CEP152: variants seen among roughly 807,000 people sequenced by gnomAD.
The protein encoded by CEP152 is centrosomal protein of 152 kDa.
A neutral mutation model predicts 188.9 loss-of-function variants in CEP152; 132 were observed. That is an observed-to-expected ratio of 0.70 (90% confidence interval 0.61 to 0.81). The LOEUF is 0.81. Ranked by LOEUF, CEP152 falls within the 30% of genes least tolerant of loss-of-function variation. The pLI, the probability that CEP152 is intolerant of heterozygous loss-of-function variation, is 0.00. For synonymous variants in CEP152, 649 were observed against 666.6 expected (o/e 0.97, Z 0.41); for missense variants, 1,914 against 1,969.8 (o/e 0.97, Z 0.54).
At chr15:48,761,854 T>A (rs1566992279) in intron 18 of CEP152, among the ~76,000 whole-genome samples, 1 of 152,174 alleles carries the variant, frequency 6.6e-6, no homozygotes, top group African/African-American at 2.4e-5. Context: ...ATCAAGTAAC[T>A]GTGTCAGTTA....
Position 48,781,300 on chromosome 15 carries a change from T to G in CEP152, c.1473A>C (p.Gly491=). 6.2e-7 allele frequency: 1 copy of G among 1,612,700 alleles called. No homozygotes were observed. Among genetic ancestry groups the G allele is most frequent in the Non-Finnish European group, 8.5e-7 (1 of 1,178,926 alleles). The stretch of plus-strand genomic sequence containing the variant: ...CTCCTTCTGAGTCACTTGGATGTAT[T>G]CCTAGTTTTGCAGCAGATTCATAGA... ...ISLYESAAKL[G]IHPSDSEGEL... is the part of the protein sequence containing the mutation. The change falls in exon 12 of 27, where the codon GGA becomes GGC. Residue 491 remains glycine (G), a synonymous_variant. Transcript: ENST00000380950.
chr15:48,742,025 C>T lies in CEP152; in HGVS notation c.3911G>A (p.Arg1304His), dbSNP rs886051260. The T allele has an allele frequency of 5.0e-6, 8 of 1,614,132 alleles. No homozygotes were observed. The highest frequency in any genetic ancestry group is 1.1e-5 in the South Asian group (1 of 91,076). ...GCGCATCTTTCGGGCGGTTTCTTGA[C>T]GTTCTCGCAGTACCTCTGCTTTTAC... ...EMVKAEVLRE[R>H]QETARKMRKY... The change falls in exon 25 of 27, where the codon CGT becomes CAT. Residue 1304 changes from arginine (R) to histidine (H), a missense_variant. Transcript: ENST00000380950.
At chr15:48,781,079 C>G (rs1413047641) in intron 12 of CEP152, 117 bp downstream of exon 12, 22 of 886,594 alleles carry the variant, frequency 2.5e-5, no homozygotes, top group Non-Finnish European at 3.7e-5. Flanking sequence ...TATCTGCATT[C>G]AATACACAGT....
chr15:48,791,790 T>C (rs1897002280), intron 7 of CEP152, among the ~76,000 whole-genome samples: 1 of 151,856 alleles, frequency 6.6e-6, no homozygotes, highest in Non-Finnish European at 1.5e-5. Context: ...GTGCTGGGAT[T>C]ACAGGCGTGA....
chr15:48,757,422 G>T (rs1340856650), intron 19 of CEP152, among the ~76,000 whole-genome samples: 1 of 152,190 alleles, frequency 6.6e-6, no homozygotes, highest in Non-Finnish European at 1.5e-5. Context: ...AGATGATAAG[G>T]ACTCAATAAA....
In CEP152 at chr15:48,739,243, T is replaced by G. The variant is rs1317380169; in HGVS notation, c.4139A>C (p.Lys1380Thr). ...TATTTTCTGATTCACATCATTTCTT[T>G]TTGATTTTTTAACTGCAATCAGCAT... is the stretch of plus-strand genomic sequence containing the variant. ...SEMLIAVKKS[K>T]RNDVNQKIPC... Residue 1380 changes from lysine to threonine, a missense_variant, in exon 27 of 27, where the codon AAA (lysine) becomes ACA (threonine). By Grantham distance (78) the Lys-to-Thr change is moderately conservative (BLOSUM62 -1). Coordinates refer to ENST00000380950, the MANE Select transcript of CEP152 (RefSeq NM_001194998.2). 2 of 1,613,448 alleles carry G rather than the reference T, an allele frequency of 1.2e-6. No individual in the cohort carries two copies. Among genetic ancestry groups the G allele is most frequent in the South Asian group, 2.2e-5 (2 of 90,820 alleles).
chr15:48,800,029 T>A (rs1199574260), intron 2 of CEP152, among the ~76,000 whole-genome samples: 2 of 152,220 alleles, frequency 1.3e-5, no homozygotes, highest in Non-Finnish European at 2.9e-5. Context: ...CAGGGGCGCC[T>A]TGACAGGGAC....
At chr15:48,756,625 T>C in intron 19 of CEP152, 72 bp from the exon 20 acceptor site, 1 of 1,443,988 alleles carries the variant, frequency 6.9e-7, no homozygotes, top group Non-Finnish European at 9.5e-7. Context: ...TTAAGGTAAC[T>C]ATTTTGGTTA....
chr15:48,786,453 C>T (rs1035760543), intron 9 of CEP152, among the ~76,000 whole-genome samples: 10 of 151,964 alleles, frequency 6.6e-5, no homozygotes, highest in African/African-American at 2.4e-4. Context: ...AAGCTGCTGT[C>T]TTAAGAAAAA....
chr15:48,788,156 T>C (rs1300632471), intron 9 of CEP152, among the ~76,000 whole-genome samples: 2 of 152,170 alleles, frequency 1.3e-5, no homozygotes, highest in Non-Finnish European at 2.9e-5. Flanking sequence ...GCAGACTCAT[T>C]TGTTTTGGTC....
intron 11 of CEP152, among the ~76,000 whole-genome samples, chr15:48,781,672 A>C (rs1896249576): frequency 6.6e-6 from 1 of 152,130 alleles, no homozygotes; most frequent in South Asian, 2.1e-4. Context: ...GGCTTACTAG[A>C]GTACAGGACA....
At chr15:48,765,798 C>T (rs906652696) in intron 17 of CEP152, 15 of 315,546 alleles carry the variant, frequency 4.8e-5, no homozygotes, top group Non-Finnish European at 6.7e-5. Context: ...GGACTACAGG[C>T]GCGCACAACC....
chr15:48,768,815 T>C (rs1051637671), intron 14 of CEP152, 141 bp downstream of exon 14: 2 of 626,052 alleles, frequency 3.2e-6, no homozygotes, highest in Non-Finnish European at 5.4e-6. Context: ...CAAAGGGAAG[T>C]AACTGGAACT....
chr15:48,730,521 T>C (rs1042601066), intron 2 of CEP152, among the ~76,000 whole-genome samples: 1 of 152,132 alleles, frequency 6.6e-6, no homozygotes, highest in African/African-American at 2.4e-5. Flanking sequence ...CACATATCCC[T>C]GAACTAATGA....
chr15:48,758,718 C>CA lies in CEP152; in HGVS notation c.2694+1416dup, dbSNP rs869223881. Reference sequence around the variant, plus strand: ...TGGGAAACACAGCAAGACTCCATCTCAAAAAAAAAAAAAAAAAAAGGCAAA... The same window carrying CA: ...TGGGAAACACAGCAAGACTCCATCTCAAAAAAAAAAAAAAAAAAAAGGCAAA... On this transcript the variant is annotated intron_variant, in intron 19 of 26. Transcript: ENST00000380950. Among the ~76,000 whole-genome samples the CA allele has an allele frequency of 9.7e-4, 68 of 70,448 alleles. 7 individuals are homozygous for CA. Among genetic ancestry groups the CA allele is most frequent in the East Asian group, 7.7e-3 (17 of 2,220 alleles). 46.2% of individuals were successfully genotyped at this position (70,448 alleles called of 152,430 possible). A position where few individuals can be genotyped will look rare whatever the true frequency, so the allele number is the denominator to read the frequency against.
chr15:48,745,452 T>TTGTG (rs146471066), intron 22 of CEP152, among the ~76,000 whole-genome samples: 29 of 150,170 alleles, frequency 1.9e-4, no homozygotes, highest in Non-Finnish European at 3.6e-4. Flanking sequence ...TCTTTGAACT[T>TTGTG]TGTGTGTGTG....
chr15:48,745,035 T>G (rs1251271293), intron 22 of CEP152, 43 bp from the exon 23 acceptor site: 1 of 1,417,332 alleles, frequency 7.1e-7, no homozygotes, highest in Non-Finnish European at 9.6e-7. Flanking sequence ...TTAAAAATTT[T>G]TTAAGCCTTC....
chr15:48,778,506 G>T (rs1455927252), intron 12 of CEP152, among the ~76,000 whole-genome samples: 3 of 152,110 alleles, frequency 2.0e-5, no homozygotes, highest in Admixed American at 6.5e-5. Flanking sequence ...CGCTTATCTT[G>T]TGCTTCACTG....
At chr15:48,805,442 T>A (rs1897916740) in intron 2 of CEP152, 121 bp downstream of exon 2, 19 of 1,360,020 alleles carry the variant, frequency 1.4e-5, no homozygotes, top group Non-Finnish European at 1.9e-5. Context: ...AGGGTTGTTT[T>A]TTTTTTAAAA....
Sources: allele counts gnomAD v4.1 joint callset (sites outside exome capture counted in the v4.1 genomes callset), GRCh38; gene constraint gnomAD v4.1.1; transcripts MANE v1.5; gene names NCBI Gene and HGNC (gene_info 2026-07-23, HGNC 2026-07-21).